Variants in ARHGAP19 observed in about 807,000 individuals in gnomAD.
ARHGAP19 encodes rho GTPase-activating protein 19.
A neutral mutation model predicts 60.9 loss-of-function variants in ARHGAP19; 48 were observed. That is an observed-to-expected ratio of 0.79 (90% CI 0.62 to 1.00). The LOEUF is 1.00. Ranked by LOEUF, ARHGAP19 falls within the 50% of genes least tolerant of loss-of-function variation. The pLI is 0.00. For synonymous variants in ARHGAP19, 209 were observed against 215.5 expected, an observed-to-expected ratio of 0.97 and a Z score of 0.27; for missense variants, 562 against 597.2, an observed-to-expected ratio of 0.94 and a Z score of 0.61.
At position 97,244,004 on chromosome 10, in the gene ARHGAP19, C is replaced by A; in HGVS notation, c.1149G>T (p.Met383Ile). The A allele has an allele frequency of 6.2e-7, 1 of 1,612,064 alleles. No individual in the cohort carries two copies. Among genetic ancestry groups the A allele is most frequent in the East Asian group, 2.2e-5 (1 of 44,854 alleles). ...LRELFQHVHD[M>I]PESAKKKQLI... ...GTTGTTTCTTCTTTGCTGACTCTGGCATATCATGAACGTGTTGAAACAGCT... is the reference window on the plus strand; with the variant it reads ...GTTGTTTCTTCTTTGCTGACTCTGGAATATCATGAACGTGTTGAAACAGCT... Residue 383 changes from methionine (M) to isoleucine (I), a missense_variant, in exon 8 of 12, where the codon ATG (methionine) becomes ATT (isoleucine). Coordinates refer to ENST00000358531, the MANE Select transcript of ARHGAP19 (RefSeq NM_032900.6).
rs1038110732 is a variant in ARHGAP19 at position 97,244,072 on chromosome 10, G to A, written c.1081C>T (p.His361Tyr). Reference protein sequence around the residue: ...QKRNRVDSCPHQEETQHHTEE... With the variant: ...QKRNRVDSCPYQEETQHHTEE... ...GTATGGTGCTGGGTCTCCTCCTGGTGAGGGCAGGAATCTACCCGGTTCCGT... is the reference window on the plus strand; with the variant it reads ...GTATGGTGCTGGGTCTCCTCCTGGTAAGGGCAGGAATCTACCCGGTTCCGT... Residue 361 changes from histidine (H) to tyrosine (Y), a missense_variant, in exon 8 of 12, where the codon CAC (histidine) becomes TAC (tyrosine). By Grantham distance (83) the His-to-Tyr change is moderately conservative. Transcript: ENST00000358531. The A allele has an allele frequency of 1.9e-6, 3 of 1,613,916 alleles. No individual in the cohort carries two copies. Among genetic ancestry groups the A allele is most frequent in the Non-Finnish European group, 2.5e-6 (3 of 1,179,958 alleles).
intron 6 of ARHGAP19, among the ~76,000 whole-genome samples, chr10:97,247,890 G>C (rs1206333060): frequency 6.6e-6 from 1 of 151,336 alleles, no homozygotes; most frequent in Non-Finnish European, 1.5e-5. Context: ...AACACTAACA[G>C]GATAACCCAG....
intron 1 of ARHGAP19, among the ~76,000 whole-genome samples, chr10:97,283,932 C>T (rs11189093): frequency 0.042 from 6,171 of 146,912 alleles, 203 homozygotes; most frequent in Non-Finnish European, 0.062. Flanking sequence ...TTTTTCTTTC[C>T]TTTTTTTTTC....
Position 97,292,598 on chromosome 10 carries a change from C to T in ARHGAP19, c.30G>A (p.Glu10=), listed in dbSNP as rs769996093. ...TCCGGCCGGATTCGCGGGCTGGCAC[C>T]TCCCCTTCACTCTGTGCCTCAGTCG... is the stretch of plus-strand genomic sequence containing the variant. MATEAQSEG[E]VPARESGRSD... The change falls in exon 1 of 12, where the codon GAG becomes GAA. Residue 10 remains glutamate (E), a synonymous_variant. Coordinates refer to ENST00000358531, the MANE Select transcript of ARHGAP19 (RefSeq NM_032900.6). 3.1e-6 allele frequency: 5 copies of T among 1,614,220 alleles called. No homozygotes were observed. Among genetic ancestry groups the T allele is most frequent in the Non-Finnish European group, 1.7e-6 (2 of 1,180,034 alleles).
chr10:97,230,593 T>C (rs1458255924), intron 9 of ARHGAP19, among the ~76,000 whole-genome samples: 2 of 152,128 alleles, frequency 1.3e-5, no homozygotes, highest in Non-Finnish European at 2.9e-5. Flanking sequence ...AAAAAGAACA[T>C]ATCAAAACTA....
chr10:97,229,288 A>C, intron 10 of ARHGAP19, 63 bp from the exon 11 acceptor site: 1 of 1,283,142 alleles, frequency 7.8e-7, no homozygotes. Context: ...GACAGACTTT[A>C]CTAACAAATG....
At chr10:97,236,937 T>C (rs1238470498) in intron 8 of ARHGAP19, among the ~76,000 whole-genome samples, 2 of 151,884 alleles carry the variant, frequency 1.3e-5, no homozygotes, top group Non-Finnish European at 1.5e-5. Flanking sequence ...CTGTGAAACA[T>C]GTTGAATAAC....
chr10:97,259,331 A>T (rs1045454950), intron 5 of ARHGAP19, 71 bp downstream of exon 5: 1 of 1,195,538 alleles, frequency 8.4e-7, no homozygotes, highest in African/African-American at 1.5e-5. Context: ...TAATCTCACC[A>T]ATGTACAGCC....
chr10:97,292,287 C>T (rs944515461), intron 1 of ARHGAP19, among the ~76,000 whole-genome samples: 6 of 152,212 alleles, frequency 3.9e-5, no homozygotes, highest in African/African-American at 1.4e-4. Context: ...CAAGAGGTGT[C>T]TCGGCGCCAA....
intron 7 of ARHGAP19, among the ~76,000 whole-genome samples, chr10:97,245,178 T>C (rs1267548949): frequency 6.6e-6 from 1 of 151,982 alleles, no homozygotes; most frequent in Non-Finnish European, 1.5e-5. Flanking sequence ...GCTAATTTTT[T>C]GCATTTTTGG....
intron 1 of ARHGAP19, among the ~76,000 whole-genome samples, chr10:97,287,456 C>A (rs1843170363): frequency 6.6e-6 from 1 of 152,208 alleles, no homozygotes; most frequent in African/African-American, 2.4e-5. Flanking sequence ...TTGTTTAAAT[C>A]TTTGGCCAGG....
chr10:97,238,556 A>G (rs1237983882), intron 8 of ARHGAP19, among the ~76,000 whole-genome samples: 3 of 152,186 alleles, frequency 2.0e-5, no homozygotes, highest in Non-Finnish European at 2.9e-5. Context: ...TAAAATTTAC[A>G]AACAAATTAA....
chr10:97,228,275 A>G (rs1301886255), intron 11 of ARHGAP19, among the ~76,000 whole-genome samples: 1 of 152,244 alleles, frequency 6.6e-6, no homozygotes, highest in African/African-American at 2.4e-5. Flanking sequence ...TGATAAAACA[A>G]TCATGTCAAA....
At chr10:97,239,324 C>T (rs186485012) in intron 8 of ARHGAP19, among the ~76,000 whole-genome samples, 1 of 152,136 alleles carries the variant, frequency 6.6e-6, no homozygotes, top group East Asian at 1.9e-4. Flanking sequence ...GAAACCCCGT[C>T]TCTACTAAAA....
chr10:97,243,969 T>G lies in ARHGAP19; in HGVS notation c.1184A>C (p.Gln395Pro). 1 of 1,602,910 alleles carries G rather than the reference T, an allele frequency of 6.2e-7. No individual in the cohort carries two copies. The highest frequency in any genetic ancestry group is 8.5e-7 in the Non-Finnish European group (1 of 1,175,084). The change falls in exon 8 of 12, where the codon CAG becomes CCG. Residue 395 changes from glutamine to proline, a missense_variant and splice_region_variant. Transcript: ENST00000358531. ...ESAKKKQLIR[Q>P]FNKQSLTQTP... ...CACAACTTCCCTGCCTTTAGGCACC[T>G]GTCTAATAAGTTGTTTCTTCTTTGC...
In ARHGAP19 at chr10:97,292,594, G is replaced by C. The variant is rs1330276053; in HGVS notation, c.34C>G (p.Pro12Ala). The C allele has an allele frequency of 6.2e-7, 1 of 1,614,064 alleles. No homozygotes were observed. The highest frequency in any genetic ancestry group is 1.3e-5 in the African/African-American group (1 of 74,928). The change falls in exon 1 of 12, where the codon CCA (proline) becomes GCA (alanine). Residue 12 changes from proline to alanine, a missense_variant. By Grantham distance (27) the Pro-to-Ala change is conservative (BLOSUM62 -1). Coordinates refer to ENST00000358531, the MANE Select transcript of ARHGAP19 (RefSeq NM_032900.6). ...ATEAQSEGEVPARESGRSDAI... is the reference protein window; with the variant it reads ...ATEAQSEGEVAARESGRSDAI... ...CACCTCCGGCCGGATTCGCGGGCTG[G>C]CACCTCCCCTTCACTCTGTGCCTCA...
chr10:97,233,655 G>T lies in ARHGAP19; in HGVS notation c.1284+1562C>A, dbSNP rs553381090. ...GGCCAAGGCGGGTGGATCACTTGAG[G>T]TCACGAGTTCGAGACCAGCCTGGCC... is the stretch of plus-strand genomic sequence containing the variant. On this transcript the variant is annotated intron_variant, in intron 9 of 11. Coordinates refer to ENST00000358531, the MANE Select transcript of ARHGAP19 (RefSeq NM_032900.6). Among the ~76,000 whole-genome samples the T allele has an allele frequency of 2.6e-5, 4 of 152,290 alleles. No individual in the cohort carries two copies. In the South Asian group the frequency reaches 8.3e-4, roughly 32 times the overall value.
intron 2 of ARHGAP19, 150 bp downstream of exon 2, chr10:97,265,710 T>C: frequency 1.2e-6 from 1 of 812,254 alleles, no homozygotes; most frequent in East Asian, 2.6e-5. Context: ...TGTATTACTA[T>C]TACTTAAGGT....
chr10:97,248,703 A>G (rs1472044512), intron 6 of ARHGAP19, among the ~76,000 whole-genome samples: 1 of 152,214 alleles, frequency 6.6e-6, no homozygotes, highest in East Asian at 1.9e-4. Flanking sequence ...TGAGCTGGGA[A>G]CATTTTATAC....
Sources: gnomAD v4.1 joint callset for allele counts (sites outside exome capture counted in the v4.1 genomes callset) on GRCh38, gnomAD v4.1.1 for gene constraint, MANE v1.5 for transcripts, NCBI Gene and HGNC (gene_info 2026-07-23, HGNC 2026-07-21) for gene names.